Variants in ASAP2 observed in about 807,000 individuals in gnomAD.
The protein encoded by ASAP2 is ArfGAP with SH3 domain, ankyrin repeat and PH domain 2.
Under a neutral mutation model 131.4 loss-of-function variants are expected in ASAP2, and 45 were observed. That is an observed-to-expected ratio of 0.34 (90% confidence interval 0.27 to 0.44). ASAP2 has a LOEUF of 0.44. Ranked by LOEUF, ASAP2 falls within the 20% of genes least tolerant of loss-of-function variation. The pLI is 1.00. For synonymous variants in ASAP2, 510 were observed against 503.0 expected (o/e 1.01, Z -0.19); for missense variants, 1,011 against 1,297.0 (o/e 0.78, Z 3.39).
intron 9 of ASAP2, among the ~76,000 whole-genome samples, chr2:9,339,415 G>T (rs956528981): frequency 6.6e-6 from 1 of 152,044 alleles, no homozygotes; most frequent in Non-Finnish European, 1.5e-5. Context: ...TGTCAAATAG[G>T]AATAATACAG....
In ASAP2 at chr2:9,323,452, C is replaced by T. The variant is rs566726685; in HGVS notation, c.600+202C>T. ...TAGAATTAGGTTACTTTAACACCAA[C>T]ATTTTCTTAAAAGTAGAGAAAAACC... On this transcript the variant is annotated intron_variant, in intron 6 of 27. Coordinates refer to ENST00000281419, the MANE Select transcript of ASAP2 (RefSeq NM_003887.3). Among the ~76,000 whole-genome samples the T allele has an allele frequency of 5.9e-5, 9 of 152,346 alleles. No individual in the cohort carries two copies. In the East Asian group the frequency reaches 1.7e-3, roughly 29 times the overall value.
In ASAP2 at chr2:9,279,179, G is replaced by A. The variant is rs557488180; in HGVS notation, c.127-138G>A. 21 of 745,214 alleles carry A rather than the reference G, an allele frequency of 2.8e-5. No individual in the cohort carries two copies. The African/African-American group carries it at 3.5e-4, about 12-fold the overall frequency. 46.2% of individuals were successfully genotyped at this position (745,214 alleles called of 1,614,324 possible). On this transcript the variant is annotated intron_variant, in intron 1 of 27. Transcript: ENST00000281419. The stretch of plus-strand genomic sequence containing the variant: ...CCCAGAAACAGGTGCCGAGGGACCT[G>A]GCAGAGGAGGCTTGTCTCCCAGAAA...
chr2:9,212,107 C>T (rs1661602470), intron 1 of ASAP2, among the ~76,000 whole-genome samples: 2 of 152,166 alleles, frequency 1.3e-5, no homozygotes, highest in African/African-American at 2.4e-5. Context: ...GATGCCACTC[C>T]TCACGGGTTC....
chr2:9,214,143 A>T (rs949553939), intron 1 of ASAP2, among the ~76,000 whole-genome samples: 12 of 152,196 alleles, frequency 7.9e-5, no homozygotes, highest in African/African-American at 2.9e-4. Context: ...ACGTTCCGTG[A>T]TATGAACCTA....
At chr2:9,243,341 C>T (rs1664110212) in intron 1 of ASAP2, among the ~76,000 whole-genome samples, 1 of 152,186 alleles carries the variant, frequency 6.6e-6, no homozygotes, top group African/African-American at 2.4e-5. Context: ...ATCTCCTGAC[C>T]TCGTGATCCA....
intron 19 of ASAP2, 24 bp downstream of exon 19, chr2:9,379,083 G>C (rs772185936): frequency 1.3e-6 from 2 of 1,484,050 alleles, no homozygotes; most frequent in Non-Finnish European, 1.8e-6. Context: ...GGCCCCGGGG[G>C]TGGGCTCAGC....
intron 1 of ASAP2, among the ~76,000 whole-genome samples, chr2:9,246,371 T>G (rs1664341072): frequency 6.6e-6 from 1 of 152,216 alleles, no homozygotes; most frequent in Non-Finnish European, 1.5e-5. Flanking sequence ...CACTGCAGCC[T>G]CGACCTCCTG....
chr2:9,254,236 A>AATAT lies in ASAP2; in HGVS notation c.127-25065_127-25062dup, dbSNP rs34570938. On this transcript the variant is annotated intron_variant, in intron 1 of 27. Transcript: ENST00000281419. ...AAAAAAAAAAAAAAAAAAAAAAAAA[A>AATAT]ATATATATATATATATATACACGTG... Among the ~76,000 whole-genome samples, 146 of 47,108 alleles carry AATAT rather than the reference A, an allele frequency of 3.1e-3. 5 individuals carry two copies. The highest frequency in any genetic ancestry group is 0.016 in the African/African-American group (116 of 7,232). 30.9% of individuals were successfully genotyped at this position (47,108 alleles called of 152,430 possible).
chr2:9,391,224 G>T, intron 23 of ASAP2, 28 bp downstream of exon 23: 1 of 1,593,360 alleles, frequency 6.3e-7, no homozygotes, highest in South Asian at 1.1e-5. Flanking sequence ...TTCCTTTCTT[G>T]CCCGTGGGCT....
intron 2 of ASAP2, among the ~76,000 whole-genome samples, chr2:9,280,686 A>G (rs1667076028): frequency 6.6e-6 from 1 of 152,250 alleles, no homozygotes; most frequent in African/African-American, 2.4e-5. Flanking sequence ...CCCCAACCCC[A>G]GTCAGAATTA....
Position 9,207,370 on chromosome 2 carries a change from G to A in ASAP2, c.126+140G>A, listed in dbSNP as rs1661190848. On this transcript the variant is annotated intron_variant, in intron 1 of 27. Coordinates refer to ENST00000281419, the MANE Select transcript of ASAP2 (RefSeq NM_003887.3). This position sits in a 1 kb window ranked among gnomAD's most constrained non-coding sequence, Gnocchi z 4.1. ...CGGGCCAACCCTGCCCGAGACAGAA[G>A]CCCTTTGTTCCCGCCTAGGTGGCTC... is the stretch of plus-strand genomic sequence containing the variant. 4.8e-6 allele frequency: 6 copies of A among 1,247,486 alleles called. No individual in the cohort carries two copies. The highest frequency in any genetic ancestry group is 3.1e-5 in the Admixed American group (1 of 32,030). 77.3% of individuals were successfully genotyped at this position (1,247,486 alleles called of 1,614,324 possible).
At chr2:9,396,749 C>A (rs1676177181) in intron 24 of ASAP2, among the ~76,000 whole-genome samples, 1 of 152,224 alleles carries the variant, frequency 6.6e-6, no homozygotes, top group African/African-American at 2.4e-5. Context: ...CACCTACAAT[C>A]CCAGCACTTT....
chr2:9,344,457 GT>G (rs1671815744), intron 9 of ASAP2, 74 bp from the exon 10 acceptor site: 3 of 1,286,446 alleles, frequency 2.3e-6, no homozygotes, highest in Non-Finnish European at 3.3e-6. Context: ...TTAGGCATAA[GT>G]TTCCTTTGTG....
chr2:9,365,655 C>T (rs1005408553), intron 15 of ASAP2, among the ~76,000 whole-genome samples: 6 of 152,306 alleles, frequency 3.9e-5, no homozygotes, highest in Admixed American at 1.3e-4. Flanking sequence ...ACGACTCCCC[C>T]GTATGGTGAG....
At chr2:9,366,182 G>T (rs1195802902) in intron 15 of ASAP2, among the ~76,000 whole-genome samples, 1 of 152,104 alleles carries the variant, frequency 6.6e-6, no homozygotes, top group African/African-American at 2.4e-5. Context: ...GAACTGCAAG[G>T]TAGCACGTTT....
At chr2:9,237,461 G>A (rs895599878) in intron 1 of ASAP2, among the ~76,000 whole-genome samples, 1 of 150,664 alleles carries the variant, frequency 6.6e-6, no homozygotes, top group Admixed American at 6.6e-5. Context: ...GCCCAGGCTG[G>A]GATGCAGTGG....
At chr2:9,270,430 TAAA>T (rs1666260594) in intron 1 of ASAP2, among the ~76,000 whole-genome samples, 1 of 151,838 alleles carries the variant, frequency 6.6e-6, no homozygotes, top group African/African-American at 2.4e-5. Flanking sequence ...TATTTTTTTT[TAAA>T]TTTTTGATTA....
intron 1 of ASAP2, among the ~76,000 whole-genome samples, chr2:9,276,696 C>T (rs373092585): frequency 5.3e-5 from 8 of 152,096 alleles, no homozygotes; most frequent in East Asian, 1.9e-4. Flanking sequence ...CCCACCAACA[C>T]GCCCGGCTAA....
At chr2:9,347,595 G>T (rs1251702191) in intron 11 of ASAP2, among the ~76,000 whole-genome samples, 1 of 152,186 alleles carries the variant, frequency 6.6e-6, no homozygotes, top group East Asian at 1.9e-4. Flanking sequence ...GGGAAATGAA[G>T]TTGTTGTATT....
Sources: allele counts gnomAD v4.1 joint callset (sites outside exome capture counted in the v4.1 genomes callset), GRCh38; gene constraint gnomAD v4.1.1; non-coding constraint Gnocchi (gnomAD v3.1); transcripts MANE v1.5; gene names NCBI Gene and HGNC (gene_info 2026-07-23, HGNC 2026-07-21).